Variants in UNC13B observed in about 807,000 individuals in gnomAD.
The protein encoded by UNC13B is protein unc-13 homolog B.
Under a neutral mutation model 211.0 loss-of-function variants are expected in UNC13B, and 144 were observed. The ratio of observed to expected loss-of-function variants is 0.68; its 90% CI spans 0.60 to 0.78. UNC13B has a LOEUF of 0.78. Ranked by LOEUF, UNC13B falls within the 30% of genes least tolerant of loss-of-function variation. The probability of loss-of-function intolerance (pLI) is 0.00; values close to 1 mark genes in which losing one functional copy is unlikely to be tolerated. For missense variants in UNC13B, 1,777 were observed against 2,002.0 expected, an observed-to-expected ratio of 0.89 and a Z score of 2.14; for synonymous variants, 709 against 725.8, an observed-to-expected ratio of 0.98 and a Z score of 0.37.
At chr9:35,351,764 C>A (rs934979715) in intron 11 of UNC13B, 43 of 1,232,158 alleles carry the variant, frequency 3.5e-5, no homozygotes, top group Non-Finnish European at 4.4e-5. Context: ...CTTTGGGCAG[C>A]AGAACAACAG....
chr9:35,369,780 T>C (rs1186903255), intron 12 of UNC13B, among the ~76,000 whole-genome samples: 1 of 152,214 alleles, frequency 6.6e-6, no homozygotes, highest in Non-Finnish European at 1.5e-5. Flanking sequence ...AGAAGGCTTT[T>C]CTTCAGGAGG....
At chr9:35,383,246 C>G (rs1256571291) in intron 21 of UNC13B, among the ~76,000 whole-genome samples, 1 of 152,152 alleles carries the variant, frequency 6.6e-6, no homozygotes, top group Non-Finnish European at 1.5e-5. Context: ...TTCTAGTGTC[C>G]AGACTGTTTT....
chr9:35,297,610 C>T (rs930448472), intron 8 of UNC13B, among the ~76,000 whole-genome samples: 2 of 137,504 alleles, frequency 1.5e-5, no homozygotes, highest in Admixed American at 7.9e-5. Flanking sequence ...ACTGCAGTGG[C>T]GCTATCTCGG....
chr9:35,202,542 A>G (rs1036215149), intron 1 of UNC13B, among the ~76,000 whole-genome samples: 2 of 151,960 alleles, frequency 1.3e-5, no homozygotes, highest in African/African-American at 4.8e-5. Flanking sequence ...CCTGTATTGG[A>G]TGCATATATA....
At chr9:35,402,045 G>A (rs1836337104) in intron 37 of UNC13B, 1 of 1,541,436 alleles carries the variant, frequency 6.5e-7, no homozygotes, top group Non-Finnish European at 8.8e-7. Context: ...TCTAACATGG[G>A]CTAACACTGA....
chr9:35,396,961 C>A, intron 28 of UNC13B, 24 bp downstream of exon 28: 1 of 1,613,508 alleles, frequency 6.2e-7, no homozygotes, highest in Non-Finnish European at 8.5e-7. Context: ...TTTGGCTGCA[C>A]CGGGTTCAGG....
intron 1 of UNC13B, among the ~76,000 whole-genome samples, chr9:35,169,129 T>C (rs2131251393): frequency 6.6e-6 from 1 of 152,296 alleles, no homozygotes; most frequent in South Asian, 2.1e-4. Flanking sequence ...GGCAAGAGAA[T>C]CACTTGCATC....
intron 7 of UNC13B, among the ~76,000 whole-genome samples, chr9:35,270,339 A>ATG (rs67433459): frequency 0.023 from 3,464 of 150,332 alleles, 58 homozygotes; most frequent in African/African-American, 0.056. Flanking sequence ...ATGTATATAT[A>ATG]TGTGTGTGTG....
intron 1 of UNC13B, among the ~76,000 whole-genome samples, chr9:35,223,076 A>G (rs1022126939): frequency 1.3e-5 from 2 of 151,974 alleles, no homozygotes; most frequent in African/African-American, 4.8e-5. Flanking sequence ...TATATACCAC[A>G]TTTTCTTCAT....
chr9:35,224,102 C>T (rs1824708963), intron 1 of UNC13B, among the ~76,000 whole-genome samples: 1 of 152,078 alleles, frequency 6.6e-6, no homozygotes, highest in South Asian at 2.1e-4. Flanking sequence ...CAGCTTTGTC[C>T]ATTTTGCTCA....
chr9:35,267,258 C>G (rs1827628660), intron 7 of UNC13B, among the ~76,000 whole-genome samples: 1 of 152,116 alleles, frequency 6.6e-6, no homozygotes, highest in South Asian at 2.1e-4. Context: ...CTTGGGCTTT[C>G]TAGAAGTGGG....
chr9:35,347,373 T>C (rs1385260072), intron 11 of UNC13B, among the ~76,000 whole-genome samples: 1 of 152,188 alleles, frequency 6.6e-6, no homozygotes, highest in Non-Finnish European at 1.5e-5. Context: ...ATGGTCCTTC[T>C]TACAGTTTGC....
intron 1 of UNC13B, among the ~76,000 whole-genome samples, chr9:35,193,434 G>T (rs2131348194): frequency 6.6e-6 from 1 of 152,160 alleles, no homozygotes; most frequent in East Asian, 1.9e-4. Flanking sequence ...GGATCATGAG[G>T]TCAGGAGTTC....
In UNC13B at chr9:35,282,188, T is replaced by C. The variant is rs549172423; in HGVS notation, c.527-13508T>C. ...ACTTTATAAAACAAATGTTTAAATGTATTAGTATAAGGTAGGTAAAAGATA... is the reference window on the plus strand; with the variant it reads ...ACTTTATAAAACAAATGTTTAAATGCATTAGTATAAGGTAGGTAAAAGATA... On this transcript the variant is annotated intron_variant, in intron 7 of 39. Coordinates refer to ENST00000635942, the MANE Select transcript of UNC13B (RefSeq NM_001371189.2). 7.2e-5 allele frequency among the ~76,000 whole-genome samples: 11 copies of C among 152,280 alleles called. No individual in the cohort carries two copies. In the South Asian group the frequency reaches 2.3e-3, roughly 32 times the overall value.
chr9:35,332,426 A>G (rs1044299388), intron 11 of UNC13B, among the ~76,000 whole-genome samples: 2 of 152,130 alleles, frequency 1.3e-5, no homozygotes, highest in African/African-American at 2.4e-5. Flanking sequence ...TAAAGTTACC[A>G]TCATTCTACT....
chr9:35,260,060 A>AAC, intron 7 of UNC13B, among the ~76,000 whole-genome samples: 1 of 149,928 alleles, frequency 6.7e-6, no homozygotes, highest in South Asian at 2.1e-4. Context: ...AAAAAAAAAA[A>AAC]AAAACCAAGT....
chr9:35,341,493 T>A (rs1831990893), intron 11 of UNC13B, among the ~76,000 whole-genome samples: 1 of 152,174 alleles, frequency 6.6e-6, no homozygotes, highest in Non-Finnish European at 1.5e-5. Flanking sequence ...CCCTTTGTAT[T>A]GTGCTCCAGC....
intron 11 of UNC13B, among the ~76,000 whole-genome samples, chr9:35,365,225 G>A (rs1303864414): frequency 1.3e-5 from 2 of 152,188 alleles, no homozygotes; most frequent in Non-Finnish European, 2.9e-5. Context: ...TTGGGCCATA[G>A]TAAACACTGT....
intron 11 of UNC13B, among the ~76,000 whole-genome samples, chr9:35,331,687 A>G (rs1342852222): frequency 6.6e-6 from 1 of 152,184 alleles, no homozygotes; most frequent in Non-Finnish European, 1.5e-5. Flanking sequence ...GTATTTAAAT[A>G]CTTTTTTCTC....
Sources: gnomAD v4.1 joint callset for allele counts (sites outside exome capture counted in the v4.1 genomes callset) on GRCh38, gnomAD v4.1.1 for gene constraint, MANE v1.5 for transcripts, NCBI Gene and HGNC (gene_info 2026-07-23, HGNC 2026-07-21) for gene names.